LRRC7: variants seen among roughly 807,000 people sequenced by gnomAD.
LRRC7 encodes leucine rich repeat containing 7.
LRRC7 carries 23 observed loss-of-function variants against 175.7 expected under a neutral mutation model. That is an observed-to-expected ratio of 0.13 (90% CI 0.09 to 0.19). The LOEUF is 0.19. Ranked by LOEUF, LRRC7 falls within the 10% of genes least tolerant of loss-of-function variation. The pLI, the probability that LRRC7 is intolerant of heterozygous loss-of-function variation, is 1.00. For missense variants in LRRC7, 1,354 were observed against 1,904.7 expected (o/e 0.71, Z 5.38); for synonymous variants, 685 against 680.9 (o/e 1.01, Z -0.09).
chr1:69,638,252 C>T (rs141049189), intron 1 of LRRC7, among the ~76,000 whole-genome samples: 1,733 of 151,850 alleles, frequency 0.011, 24 homozygotes, highest in Admixed American at 0.016. Context: ...CATTTTAGTA[C>T]TAAATATTAA....
chr1:69,717,097 CTT>C (rs1265909655), intron 2 of LRRC7, among the ~76,000 whole-genome samples: 1 of 150,880 alleles, frequency 6.6e-6, no homozygotes, highest in Non-Finnish European at 1.5e-5. Context: ...CAAGATAGAA[CTT>C]AATACAGCTA....
In LRRC7 at chr1:69,823,543, A is replaced by AC. The variant is rs898042886; in HGVS notation, c.422-2205_422-2204insC. ...CAGCTTTAAAAGTGTGTGTGTGGGAAAAAAAGTGTGTGTGTGTGCGTACAC... is the reference window on the plus strand; with the variant it reads ...CAGCTTTAAAAGTGTGTGTGTGGGAACAAAAAGTGTGTGTGTGTGCGTACAC... On this transcript the variant is annotated intron_variant, in intron 4 of 26. Coordinates refer to ENST00000651989, the MANE Select transcript of LRRC7 (RefSeq NM_001370785.2). 4.1e-4 allele frequency among the ~76,000 whole-genome samples: 62 copies of AC among 152,168 alleles called. 1 individual carries two copies. The highest frequency in any genetic ancestry group is 1.6e-4 in the Non-Finnish European group (11 of 67,992).
chr1:69,608,899 T>TATAC (rs1553124965), intron 1 of LRRC7, among the ~76,000 whole-genome samples: 7 of 123,748 alleles, frequency 5.7e-5, no homozygotes, highest in African/African-American at 2.2e-4. Context: ...TATATATATA[T>TATAC]ACACACACAC....
intron 7 of LRRC7, among the ~76,000 whole-genome samples, chr1:69,877,367 C>T (rs1016276826): frequency 6.6e-6 from 1 of 152,114 alleles, no homozygotes; most frequent in Non-Finnish European, 1.5e-5. Context: ...GCAGGAGGAT[C>T]ACTTGAGGCC....
intron 7 of LRRC7, among the ~76,000 whole-genome samples, chr1:69,854,944 A>T (rs1683421748): frequency 6.6e-6 from 1 of 152,162 alleles, no homozygotes; most frequent in Admixed American, 6.6e-5. Flanking sequence ...CATGATTCCA[A>T]ATCTTTTTCA....
intron 1 of LRRC7, among the ~76,000 whole-genome samples, chr1:69,605,800 A>G (rs1166053772): frequency 6.6e-6 from 1 of 152,120 alleles, no homozygotes; most frequent in East Asian, 1.9e-4. Flanking sequence ...GTAAGAGGAC[A>G]TGAGTTTTTA....
intron 1 of LRRC7, among the ~76,000 whole-genome samples, chr1:69,601,603 T>G (rs893652308): frequency 3.3e-5 from 5 of 152,176 alleles, no homozygotes; most frequent in Admixed American, 3.3e-4. Flanking sequence ...TTAGATCGTA[T>G]TTTTCCCCAG....
At chr1:69,777,394 A>C (rs896393597) in intron 3 of LRRC7, among the ~76,000 whole-genome samples, 1 of 152,212 alleles carries the variant, frequency 6.6e-6, no homozygotes, top group African/African-American at 2.4e-5. Context: ...TACAATGCCT[A>C]CTTCAGGGGA....
chr1:69,631,813 C>G (rs1652550260), intron 1 of LRRC7, among the ~76,000 whole-genome samples: 1 of 152,094 alleles, frequency 6.6e-6, no homozygotes. Flanking sequence ...GCTTGATAAA[C>G]TCAAACTCAT....
intron 1 of LRRC7, among the ~76,000 whole-genome samples, chr1:69,615,957 T>C (rs1000520665): frequency 6.6e-6 from 1 of 152,014 alleles, no homozygotes; most frequent in Non-Finnish European, 1.5e-5. Context: ...GGTCAGAGGA[T>C]GGAACTTAAT....
chr1:69,717,778 GA>G (rs1665569455), intron 2 of LRRC7, among the ~76,000 whole-genome samples: 2 of 13,420 alleles, frequency 1.5e-4, no homozygotes, highest in African/African-American at 7.0e-4. Flanking sequence ...AAAAAAGAAA[GA>G]AAGAAAGAAA....
chr1:69,980,069 A>G (rs1653262407), intron 8 of LRRC7, among the ~76,000 whole-genome samples: 1 of 152,156 alleles, frequency 6.6e-6, no homozygotes, highest in Non-Finnish European at 1.5e-5. Context: ...TGACAAAGAC[A>G]GATGCTTATC....
chr1:70,078,288 AC>A (rs1360629578), intron 24 of LRRC7, among the ~76,000 whole-genome samples: 1 of 152,206 alleles, frequency 6.6e-6, no homozygotes, highest in Non-Finnish European at 1.5e-5. Flanking sequence ...AAACTATGTT[AC>A]CTGTCATCCC....
intron 23 of LRRC7, among the ~76,000 whole-genome samples, chr1:70,056,592 C>G (rs540436917): frequency 6.6e-6 from 1 of 152,258 alleles, no homozygotes; most frequent in East Asian, 1.9e-4. Context: ...CTTCCTCTTT[C>G]AAATCCAGCA....
chr1:69,996,612 C>T (rs1654996185), intron 11 of LRRC7, among the ~76,000 whole-genome samples: 1 of 152,064 alleles, frequency 6.6e-6, no homozygotes, highest in Non-Finnish European at 1.5e-5. Flanking sequence ...CAGCTTTCTA[C>T]ATATGGCTAG....
intron 7 of LRRC7, among the ~76,000 whole-genome samples, chr1:69,847,226 T>C (rs2101432464): frequency 6.6e-6 from 1 of 152,218 alleles, no homozygotes; most frequent in Middle Eastern, 3.4e-3. Flanking sequence ...TGGATTTTTG[T>C]TATATCCTTT....
At chr1:70,022,903 G>A (rs1321236688) in intron 16 of LRRC7, among the ~76,000 whole-genome samples, 1 of 152,132 alleles carries the variant, frequency 6.6e-6, no homozygotes, top group African/African-American at 2.4e-5. Flanking sequence ...CTTACAGTCT[G>A]TATAGTGTAG....
intron 7 of LRRC7, among the ~76,000 whole-genome samples, chr1:69,921,182 G>A (rs1050914369): frequency 8.3e-6 from 1 of 120,438 alleles, no homozygotes. Flanking sequence ...TCAAGAACGT[G>A]TGTGGTAAAC....
In LRRC7 at chr1:70,133,236, G is replaced by C. The variant is rs888487826; in HGVS notation, c.*11349G>C. Among the ~76,000 whole-genome samples, 2 of 151,990 alleles carry C rather than the reference G, an allele frequency of 1.3e-5. No homozygotes were observed. Among genetic ancestry groups the C allele is most frequent in the Non-Finnish European group, 2.9e-5 (2 of 67,998 alleles). On this transcript the variant is annotated 3_prime_UTR_variant, in exon 27 of 27. Coordinates refer to ENST00000651989, the MANE Select transcript of LRRC7 (RefSeq NM_001370785.2). ...TGTCGTGGGTGTTTTTTGTTTGTTTGTATTGAGACAGTGTCGCTCTGTCGC... is the reference window on the plus strand; with the variant it reads ...TGTCGTGGGTGTTTTTTGTTTGTTTCTATTGAGACAGTGTCGCTCTGTCGC...
Sources: allele counts gnomAD v4.1 joint callset (sites outside exome capture counted in the v4.1 genomes callset), GRCh38; gene constraint gnomAD v4.1.1; transcripts MANE v1.5; gene names NCBI Gene and HGNC (gene_info 2026-07-23, HGNC 2026-07-21).